The following PPP2R3B variants were observed in gnomAD, a reference collection of about 807,000 sequenced individuals.
PPP2R3B encodes protein phosphatase 2 regulatory subunit B''beta, also known as serine/threonine-protein phosphatase 2A regulatory subunit B'' subunit beta.
In PPP2R3B, 68 loss-of-function variants were observed where a neutral mutation model predicts 72.9. The observed-to-expected ratio is 0.93, with a 90% CI of 0.77 to 1.14. The LOEUF (loss-of-function observed/expected upper bound fraction) is 1.14. PPP2R3B is among the 50% of genes most tolerant of loss of function. PPP2R3B has a pLI of 0.00. For missense variants in PPP2R3B, 1,018 were observed against 842.0 expected (o/e 1.21, Z -2.59); for synonymous variants, 466 against 375.8 (o/e 1.24, Z -2.78).
chrX:362,620 C>T (rs763429909), intron 1 of PPP2R3B, among the ~76,000 whole-genome samples: 52 of 152,136 alleles, frequency 3.4e-4, no homozygotes, highest in African/African-American at 1.2e-3. Context: ...ACTCAGGGGA[C>T]GGGGCTGTGT....
At chrX:368,783 C>CCACCCACCTTGGGCACCGACCG (rs2071788919) in intron 1 of PPP2R3B, among the ~76,000 whole-genome samples, 1 of 22,418 alleles carries the variant, frequency 4.5e-5, no homozygotes, top group African/African-American at 2.2e-4. Context: ...GGCACCGACA[C>CCACCCACCTTGGGCACCGACCG]GGGGAAGGCC....
chrX:341,379 T>G lies in PPP2R3B; in HGVS notation c.1103A>C (p.Lys368Thr). Residue 368 changes from lysine (K) to threonine (T), a missense_variant, in exon 9 of 13, where the codon AAG becomes ACG. By Grantham distance (78) the Lys-to-Thr change is moderately conservative. Transcript: ENST00000390665. ...GTCGGCATAGCTGATCTTCCCTTCC[T>G]TCTGCACTTTTCTGCCTCTAGATCG... Reference protein sequence around the residue: ...GAVTRGRKVQKEGKISYADFV... With the variant: ...GAVTRGRKVQTEGKISYADFV... 1.2e-6 allele frequency: 2 copies of G among 1,612,680 alleles called. No individual in the cohort carries two copies. Among genetic ancestry groups the G allele is most frequent in the Non-Finnish European group, 1.7e-6 (2 of 1,179,708 alleles).
Position 386,318 on chromosome X carries a change from T to A in PPP2R3B, c.324+50A>T, listed in dbSNP as rs200926296. On this transcript the variant is annotated intron_variant, in intron 1 of 12. Coordinates refer to ENST00000390665, the MANE Select transcript of PPP2R3B (RefSeq NM_013239.5). ...CCATCGCGCAGCCACACGCCCACTA[T>A]GCGACCAGAGCCACCTGCGCAGTTG... is the stretch of plus-strand genomic sequence containing the variant. 157 of 1,282,922 alleles carry A rather than the reference T, an allele frequency of 1.2e-4. 1 individual carries two copies. The African/African-American group carries it at 2.3e-3, about 19-fold the overall frequency. 79.5% of individuals were successfully genotyped at this position (1,282,922 alleles called of 1,614,324 possible). A position where few individuals can be genotyped will look rare whatever the true frequency, so the allele number is the denominator to read the frequency against.
intron 3 of PPP2R3B, 121 bp downstream of exon 3, chrX:347,469 G>T: frequency 1.5e-6 from 2 of 1,341,850 alleles, no homozygotes; most frequent in Non-Finnish European, 2.1e-6. Flanking sequence ...CCAGGCCTGT[G>T]CCCGTACAAG....
At chrX:361,141 A>G (rs1438292260) in intron 2 of PPP2R3B, among the ~76,000 whole-genome samples, 5 of 152,238 alleles carry the variant, frequency 3.3e-5, no homozygotes, top group Non-Finnish European at 7.3e-5. Flanking sequence ...TCACAGCATC[A>G]GGATGAGAAT....
At chrX:355,165 G>A (rs896686280) in intron 2 of PPP2R3B, among the ~76,000 whole-genome samples, 3 of 152,168 alleles carry the variant, frequency 2.0e-5, no homozygotes, top group Non-Finnish European at 4.4e-5. Context: ...AGTTAAACTT[G>A]GTCAGAAAAT....
chrX:363,108 TA>T (rs1162406361), intron 1 of PPP2R3B, among the ~76,000 whole-genome samples: 9 of 151,440 alleles, frequency 5.9e-5, no homozygotes, highest in Non-Finnish European at 1.2e-4. Context: ...CTTCCCGCAG[TA>T]GCTGCCGACT....
chrX:381,542 T>C (rs1053170686), intron 1 of PPP2R3B, among the ~76,000 whole-genome samples: 1 of 151,850 alleles, frequency 6.6e-6, no homozygotes, highest in Non-Finnish European at 1.5e-5. Flanking sequence ...TCCTTCACTG[T>C]TAACGTGGCC....
At chrX:385,372 A>C (rs2072225316) in intron 1 of PPP2R3B, among the ~76,000 whole-genome samples, 1 of 115,874 alleles carries the variant, frequency 8.6e-6, no homozygotes, top group African/African-American at 3.4e-5. Flanking sequence ...TCTGGTGCCC[A>C]GGCTGGAGTG....
chrX:383,553 T>G (rs1009758374), intron 1 of PPP2R3B, among the ~76,000 whole-genome samples: 28 of 152,088 alleles, frequency 1.8e-4, no homozygotes, highest in Non-Finnish European at 2.9e-4. Flanking sequence ...AATACACGGC[T>G]GTCGGCGGGC....
chrX:386,850 C>T lies in PPP2R3B; in HGVS notation c.-159G>A. 3.7e-6 allele frequency: 1 copy of T among 267,654 alleles called. No individual in the cohort carries two copies. The highest frequency in any genetic ancestry group is 6.4e-6 in the Non-Finnish European group (1 of 157,012). The allele number at this position is 267,654 out of a possible 1,614,324, so 16.6% of individuals were successfully genotyped here. ...GCGCCTCGGGAACTGCGCGGACTCGCGGGGCGCGGGGACCGAGGAGGGGGC... is the reference window on the plus strand; with the variant it reads ...GCGCCTCGGGAACTGCGCGGACTCGTGGGGCGCGGGGACCGAGGAGGGGGC... On this transcript the variant is annotated 5_prime_UTR_variant, in exon 1 of 13. Transcript: ENST00000390665.
chrX:385,914 T>G (rs73617703), intron 1 of PPP2R3B, among the ~76,000 whole-genome samples: 1,652 of 152,124 alleles, frequency 0.011, 30 homozygotes, highest in African/African-American at 0.038. Flanking sequence ...AAACCCAGTC[T>G]CTACTAAAAA....
chrX:385,735 C>T (rs1288632845), intron 1 of PPP2R3B, among the ~76,000 whole-genome samples: 1 of 152,102 alleles, frequency 6.6e-6, no homozygotes, highest in Non-Finnish European at 1.5e-5. Flanking sequence ...TGCGCCACTG[C>T]ACTCCAGCCT....
At chrX:369,336 G>A (rs1213399657) in intron 1 of PPP2R3B, among the ~76,000 whole-genome samples, 6 of 152,112 alleles carry the variant, frequency 3.9e-5, no homozygotes, top group African/African-American at 7.2e-5. Flanking sequence ...AAAGAACTTC[G>A]TAAAGAGCCC....
chrX:342,197 T>G, intron 7 of PPP2R3B: 1 of 594,022 alleles, frequency 1.7e-6, no homozygotes, highest in South Asian at 2.0e-5. Flanking sequence ...GAGCAGAATA[T>G]TCAGGCCTCA....
At chrX:368,570 C>A (rs1397409609) in intron 1 of PPP2R3B, among the ~76,000 whole-genome samples, 18 of 118,430 alleles carry the variant, frequency 1.5e-4, no homozygotes, top group African/African-American at 3.8e-4. Flanking sequence ...GGGGGGAAGG[C>A]CGGGACCACC....
At chrX:375,069 A>C (rs1259547029) in intron 1 of PPP2R3B, among the ~76,000 whole-genome samples, 1 of 150,570 alleles carries the variant, frequency 6.6e-6, no homozygotes, top group Non-Finnish European at 1.5e-5. Context: ...CCCCACCCGC[A>C]AGGCCCCTTC....
At chrX:350,132 C>T (rs1255564382) in intron 2 of PPP2R3B, among the ~76,000 whole-genome samples, 1 of 152,168 alleles carries the variant, frequency 6.6e-6, no homozygotes, top group East Asian at 1.9e-4. Context: ...AATGAAGACT[C>T]AGTCAGTCTC....
chrX:383,483 G>A (rs2072168823), intron 1 of PPP2R3B, among the ~76,000 whole-genome samples: 1 of 152,068 alleles, frequency 6.6e-6, no homozygotes, highest in South Asian at 2.1e-4. Flanking sequence ...TATAACATCT[G>A]GAAGCAATGT....
Sources: allele counts gnomAD v4.1 joint callset (sites outside exome capture counted in the v4.1 genomes callset), GRCh38; gene constraint gnomAD v4.1.1; transcripts MANE v1.5; gene names NCBI Gene and HGNC (gene_info 2026-07-23, HGNC 2026-07-21).